Variants in CCSER1 observed in about 807,000 individuals in gnomAD.
CCSER1 encodes serine-rich coiled-coil domain-containing protein 1.
In CCSER1, 41 loss-of-function variants were observed where a neutral mutation model predicts 82.0. That is an observed-to-expected ratio of 0.50 (90% CI 0.39 to 0.65). CCSER1 has a LOEUF of 0.65. Ranked by LOEUF, CCSER1 falls within the 30% of genes least tolerant of loss-of-function variation. The pLI is 0.00. For synonymous variants in CCSER1, 414 were observed against 383.9 expected (o/e 1.08, Z -0.92); for missense variants, 1,119 against 1,064.2 (o/e 1.05, Z -0.72).
At chr4:90,567,727 C>T (rs550120351) in intron 5 of CCSER1, among the ~76,000 whole-genome samples, 1 of 151,870 alleles carries the variant, frequency 6.6e-6, no homozygotes. Flanking sequence ...CCACCTCAGC[C>T]TCCCAAAGAG....
intron 8 of CCSER1, among the ~76,000 whole-genome samples, chr4:90,896,949 A>G (rs1183954715): frequency 6.6e-6 from 1 of 152,008 alleles, no homozygotes; most frequent in Non-Finnish European, 1.5e-5. Flanking sequence ...GCAATGGTAC[A>G]TAACCATTAC....
chr4:90,419,168 A>T (rs146996234), intron 4 of CCSER1, among the ~76,000 whole-genome samples: 2 of 152,122 alleles, frequency 1.3e-5, no homozygotes, highest in Admixed American at 6.5e-5. Flanking sequence ...TACAATTTTG[A>T]TAACACTTTA....
At chr4:90,845,873 A>G (rs1561238090) in intron 8 of CCSER1, among the ~76,000 whole-genome samples, 1 of 151,460 alleles carries the variant, frequency 6.6e-6, no homozygotes, top group Non-Finnish European at 1.5e-5. Flanking sequence ...ATGGCAATGG[A>G]CTTGTAACTT....
rs1348335386 is a variant in CCSER1 at position 90,952,619 on chromosome 4, G to A, written c.2172+29172G>A. Among the ~76,000 whole-genome samples, 3 of 151,846 alleles carry A rather than the reference G, an allele frequency of 2.0e-5. No homozygotes were observed. In the East Asian group the frequency reaches 5.8e-4, roughly 29 times the overall value. On this transcript the variant is annotated intron_variant, in intron 9 of 10. Coordinates refer to ENST00000509176, the MANE Select transcript of CCSER1 (RefSeq NM_001145065.2). The stretch of plus-strand genomic sequence containing the variant: ...TCATAGAATTCCTTTTTTGCCTGAG[G>A]AAGCATCATAATGTCATAGTCCTAG...
At chr4:91,120,077 G>A (rs555870525) in intron 10 of CCSER1, among the ~76,000 whole-genome samples, 2 of 152,138 alleles carry the variant, frequency 1.3e-5, no homozygotes, top group African/African-American at 2.4e-5. Context: ...AAGCCATAGA[G>A]AGTGGGGTAT....
intron 10 of CCSER1, among the ~76,000 whole-genome samples, chr4:91,383,412 C>T (rs1252708029): frequency 1.3e-5 from 2 of 151,310 alleles, no homozygotes; most frequent in Non-Finnish European, 2.9e-5. Flanking sequence ...AATATGATAA[C>T]AAATATGAGA....
At chr4:91,237,893 G>A (rs1016720139) in intron 10 of CCSER1, among the ~76,000 whole-genome samples, 5 of 152,164 alleles carry the variant, frequency 3.3e-5, no homozygotes, top group African/African-American at 1.2e-4. Flanking sequence ...TTATTTGAGA[G>A]CACTAAAAGT....
At chr4:90,766,793 T>C (rs940546469) in intron 7 of CCSER1, among the ~76,000 whole-genome samples, 4 of 152,148 alleles carry the variant, frequency 2.6e-5, no homozygotes, top group Admixed American at 1.3e-4. Flanking sequence ...CAATAACTCA[T>C]ACATATTTTC....
chr4:91,027,423 G>C lies in CCSER1; in HGVS notation c.2173-58527G>C, dbSNP rs1215201978. On this transcript the variant is annotated intron_variant, in intron 9 of 10. Coordinates refer to ENST00000509176, the MANE Select transcript of CCSER1 (RefSeq NM_001145065.2). ...CAATTATTTTCAAGATATCATAACA[G>C]GTCGTGCATATGCAGAATAAAATGC... Among the ~76,000 whole-genome samples, 4 of 151,726 alleles carry C rather than the reference G, an allele frequency of 2.6e-5. No individual in the cohort carries two copies. In the East Asian group the frequency reaches 7.8e-4, roughly 29 times the overall value.
rs543708465 is a variant in CCSER1, at chr4:91,120,646, G to T, written c.2217+34652G>T. 8.3e-4 allele frequency among the ~76,000 whole-genome samples: 126 copies of T among 151,970 alleles called. 2 individuals are homozygous for T. The highest frequency in any genetic ancestry group is 2.9e-3 in the African/African-American group (120 of 41,480). On this transcript the variant is annotated intron_variant, in intron 10 of 10. Coordinates refer to ENST00000509176, the MANE Select transcript of CCSER1 (RefSeq NM_001145065.2). ...TCATGAGAGGAATCTATGTCATGAGGCGTAAAAATTTGAGGGATTATTCTG... is the reference window on the plus strand; with the variant it reads ...TCATGAGAGGAATCTATGTCATGAGTCGTAAAAATTTGAGGGATTATTCTG...
chr4:91,574,375 A>T (rs757829595), intron 10 of CCSER1, among the ~76,000 whole-genome samples: 3 of 152,110 alleles, frequency 2.0e-5, no homozygotes, highest in Non-Finnish European at 4.4e-5. Flanking sequence ...CTACCATTTG[A>T]CCCAGCAATC....
intron 1 of CCSER1, among the ~76,000 whole-genome samples, chr4:90,212,897 A>G (rs1740295953): frequency 6.6e-6 from 1 of 152,202 alleles, no homozygotes; most frequent in African/African-American, 2.4e-5. Flanking sequence ...GCAGGAGAGG[A>G]CTGGGCCTGT....
At chr4:91,536,246 G>A (rs1372830186) in intron 10 of CCSER1, among the ~76,000 whole-genome samples, 1 of 152,022 alleles carries the variant, frequency 6.6e-6, no homozygotes, top group Non-Finnish European at 1.5e-5. Context: ...CAAACTTTAT[G>A]GCAACTTTTG....
intron 10 of CCSER1, among the ~76,000 whole-genome samples, chr4:91,400,502 G>A (rs755367366): frequency 3.4e-5 from 5 of 148,312 alleles, no homozygotes; most frequent in African/African-American, 5.0e-5. Flanking sequence ...TACCTAATTT[G>A]TCCATATATT....
At chr4:91,018,925 A>G (rs1050064588) in intron 9 of CCSER1, among the ~76,000 whole-genome samples, 4 of 152,030 alleles carry the variant, frequency 2.6e-5, no homozygotes, top group African/African-American at 4.8e-5. Flanking sequence ...TTTGCTAATC[A>G]AATATTATTG....
intron 9 of CCSER1, among the ~76,000 whole-genome samples, chr4:91,085,188 T>C (rs1203989587): frequency 6.6e-6 from 1 of 152,010 alleles, no homozygotes; most frequent in African/African-American, 2.4e-5. Context: ...ATTATTATTA[T>C]GTGCTATTCA....
chr4:90,355,501 T>C (rs1744226860), intron 3 of CCSER1, among the ~76,000 whole-genome samples: 1 of 151,968 alleles, frequency 6.6e-6, no homozygotes, highest in African/African-American at 2.4e-5. Context: ...GTATATAAAA[T>C]AAAATGAGTT....
intron 10 of CCSER1, among the ~76,000 whole-genome samples, chr4:91,348,079 T>A (rs907092590): frequency 1.3e-5 from 2 of 152,138 alleles, no homozygotes; most frequent in Non-Finnish European, 2.9e-5. Context: ...AGCATATAGT[T>A]TTTCACTGTT....
In CCSER1 at chr4:91,248,832, G is replaced by A. The variant is rs530849938; in HGVS notation, c.2217+162838G>A. 1.1e-4 allele frequency among the ~76,000 whole-genome samples: 16 copies of A among 152,148 alleles called. 1 individual carries two copies. In the South Asian group the frequency reaches 3.3e-3, roughly 32 times the overall value. Reference sequence around the variant, plus strand: ...TATACAAATATAAGATATTATTGTGGATACTGGAACTGGTATGCATGGGGA... The same window carrying A: ...TATACAAATATAAGATATTATTGTGAATACTGGAACTGGTATGCATGGGGA... On this transcript the variant is annotated intron_variant, in intron 10 of 10. Coordinates refer to ENST00000509176, the MANE Select transcript of CCSER1 (RefSeq NM_001145065.2).
Sources: allele counts gnomAD v4.1 joint callset (sites outside exome capture counted in the v4.1 genomes callset), GRCh38; gene constraint gnomAD v4.1.1; transcripts MANE v1.5; gene names NCBI Gene and HGNC (gene_info 2026-07-23, HGNC 2026-07-21).